The following STOX2 variants were observed in gnomAD, a reference collection of about 807,000 sequenced individuals.
The protein encoded by STOX2 is storkhead-box protein 2.
STOX2 carries 28 observed loss-of-function variants against 60.9 expected under a neutral mutation model. The observed-to-expected ratio is 0.46, with a 90% CI of 0.34 to 0.63. STOX2 has a LOEUF of 0.63. Ranked by LOEUF, STOX2 falls within the 30% of genes least tolerant of loss-of-function variation. The pLI is 0.01. For synonymous variants in STOX2, 472 were observed against 463.9 expected, an observed-to-expected ratio of 1.02 and a Z score of -0.22; for missense variants, 1,024 against 1,187.7, an observed-to-expected ratio of 0.86 and a Z score of 2.03.
chr4:183,842,737 G>T (rs1190923238), intron 1 of STOX2, among the ~76,000 whole-genome samples: 1 of 151,992 alleles, frequency 6.6e-6, no homozygotes, highest in Non-Finnish European at 1.5e-5. Context: ...GTGGTTTTAG[G>T]TTCATAATGG....
intron 1 of STOX2, among the ~76,000 whole-genome samples, chr4:183,839,875 C>A (rs577863269): frequency 1.3e-5 from 2 of 152,132 alleles, no homozygotes; most frequent in Non-Finnish European, 2.9e-5. Flanking sequence ...GATAAACTTT[C>A]GGATTTACAA....
intron 1 of STOX2, among the ~76,000 whole-genome samples, chr4:183,828,766 T>C (rs1327071678): frequency 6.6e-6 from 1 of 152,262 alleles, no homozygotes; most frequent in African/African-American, 2.4e-5. Flanking sequence ...TTGAAATTAT[T>C]CATCACTTTG....
chr4:183,936,339 G>A (rs971213253), intron 1 of STOX2, among the ~76,000 whole-genome samples: 94 of 151,836 alleles, frequency 6.2e-4, no homozygotes, highest in Non-Finnish European at 1.1e-3. Flanking sequence ...CTTCAGCACC[G>A]CTTTTCTTTG....
intron 1 of STOX2, among the ~76,000 whole-genome samples, chr4:183,920,044 T>C (rs1039558916): frequency 6.6e-6 from 1 of 152,228 alleles, no homozygotes; most frequent in African/African-American, 2.4e-5. Flanking sequence ...TTCAGAAAAC[T>C]GAGATTTCAC....
At chr4:183,915,908 C>T (rs1341003589) in intron 1 of STOX2, among the ~76,000 whole-genome samples, 1 of 152,244 alleles carries the variant, frequency 6.6e-6, no homozygotes, top group East Asian at 1.9e-4. Context: ...ACCCACTGTG[C>T]GGTGCTAGTT....
intron 1 of STOX2, among the ~76,000 whole-genome samples, chr4:183,921,534 A>T (rs1742099013): frequency 6.6e-6 from 1 of 152,186 alleles, no homozygotes; most frequent in Non-Finnish European, 1.5e-5. Context: ...GTCCAGGAGG[A>T]TGGGTTCAGT....
At chr4:183,943,770 G>A (rs4861583) in intron 1 of STOX2, among the ~76,000 whole-genome samples, 60,774 of 152,122 alleles carry the variant, frequency 0.4, 13,082 homozygotes, top group South Asian at 0.53. Flanking sequence ...CCAGCTACGC[G>A]GGAGGCTGAG....
chr4:183,849,745 C>T (rs746558972), intron 1 of STOX2, among the ~76,000 whole-genome samples: 15 of 151,930 alleles, frequency 9.9e-5, no homozygotes, highest in African/African-American at 2.4e-4. Context: ...AGTGAGATTG[C>T]GAAGGGAGAG....
upstream of STOX2, among the ~76,000 whole-genome samples, chr4:183,905,072 T>C (rs10020909): frequency 1.7e-3 from 263 of 152,370 alleles, 2 homozygotes; most frequent in African/African-American, 6.1e-3. Flanking sequence ...CGTTGTTTAC[T>C]GTACCAAAGC....
chr4:184,005,946 C>T (rs1265518477), intron 2 of STOX2, among the ~76,000 whole-genome samples: 1 of 152,120 alleles, frequency 6.6e-6, no homozygotes, highest in Non-Finnish European at 1.5e-5. Flanking sequence ...AATTTAAGCA[C>T]AAATACTCTA....
At chr4:183,937,421 G>A (rs1430364422) in intron 1 of STOX2, among the ~76,000 whole-genome samples, 1 of 152,148 alleles carries the variant, frequency 6.6e-6, no homozygotes, top group Non-Finnish European at 1.5e-5. Flanking sequence ...TATTTCCGAC[G>A]CTCAGGAAGC....
chr4:183,990,567 T>A (rs1435910987), intron 1 of STOX2, among the ~76,000 whole-genome samples: 1 of 138,864 alleles, frequency 7.2e-6, no homozygotes, highest in Non-Finnish European at 1.5e-5. Context: ...AGGGGCAGTT[T>A]AAAAAGCAGG....
At chr4:183,942,146 A>G (rs1333491597) in intron 1 of STOX2, among the ~76,000 whole-genome samples, 2 of 152,212 alleles carry the variant, frequency 1.3e-5, no homozygotes, top group Non-Finnish European at 2.9e-5. Flanking sequence ...CAGCTCTGAG[A>G]TCAGCAGCCA....
chr4:183,931,821 T>C (rs893632765), intron 1 of STOX2, among the ~76,000 whole-genome samples: 1 of 152,196 alleles, frequency 6.6e-6, no homozygotes, highest in Non-Finnish European at 1.5e-5. Context: ...GGTTACCCTA[T>C]GCATGAGGGT....
At chr4:183,937,408 C>T (rs1433495740) in intron 1 of STOX2, among the ~76,000 whole-genome samples, 5 of 152,176 alleles carry the variant, frequency 3.3e-5, no homozygotes, top group African/African-American at 1.2e-4. Flanking sequence ...TGTCTTCTTC[C>T]CTTATTTCCG....
rs75074149 is a variant in STOX2 at position 183,985,784 on chromosome 4, C to T, written c.167-15541C>T. Among the ~76,000 whole-genome samples, 29 of 152,302 alleles carry T rather than the reference C, an allele frequency of 1.9e-4. No homozygotes were observed. In the East Asian group the frequency reaches 5.6e-3, roughly 29 times the overall value. On this transcript the variant is annotated intron_variant, in intron 1 of 3. Transcript: ENST00000308497. ...GAAGGCTCTTACACTGCCAGGACTA[C>T]AGATATGTCTGTTTAGATATGAATT... is the stretch of plus-strand genomic sequence containing the variant.
chr4:184,007,030 AAACAAAAC>A (rs1733892239), intron 2 of STOX2, among the ~76,000 whole-genome samples: 1 of 69,380 alleles, frequency 1.4e-5, no homozygotes, highest in Non-Finnish European at 3.6e-5. Flanking sequence ...AAAAAAAAAA[AAACAAAAC>A]AAAAAAAAAA....
At chr4:183,924,019 T>C (rs980746828) in intron 1 of STOX2, among the ~76,000 whole-genome samples, 25 of 152,176 alleles carry the variant, frequency 1.6e-4, no homozygotes, top group African/African-American at 5.8e-4. Flanking sequence ...TCCAAAGTAT[T>C]TGTAGCTTGG....
rs1741568477 is a variant in STOX2 at position 183,905,533 on chromosome 4, CGCAGGTGGGCCAG to C, written c.-1253_-1241del. 6.6e-6 allele frequency: 1 copy of C among 152,242 alleles called. No individual in the cohort carries two copies. Among genetic ancestry groups the C allele is most frequent in the African/African-American group, 2.4e-5 (1 of 41,444 alleles). The allele number at this position is 152,242 out of a possible 1,614,324, so 9.4% of individuals were successfully genotyped here. On this transcript the variant is annotated 5_prime_UTR_variant, in exon 1 of 4. An upstream open reading frame in the 5' UTR loses its in-frame stop. Coordinates refer to ENST00000308497, the MANE Select transcript of STOX2 (RefSeq NM_020225.3). Reference sequence around the variant, plus strand: ...TGGCTTTAGCTTCCTTTGGGGTTGGCGCAGGTGGGCCAGGCAGCGCACCGCAGATCTCCCCGTT... The same window carrying C: ...TGGCTTTAGCTTCCTTTGGGGTTGGCGCAGCGCACCGCAGATCTCCCCGTT...
Sources: gnomAD v4.1 joint callset for allele counts (sites outside exome capture counted in the v4.1 genomes callset) on GRCh38, gnomAD v4.1.1 for gene constraint, MANE v1.5 for transcripts, NCBI Gene and HGNC (gene_info 2026-07-23, HGNC 2026-07-21) for gene names.